The following ARHGAP31 variants were observed in gnomAD, a reference collection of about 807,000 sequenced individuals.
ARHGAP31 encodes rho GTPase-activating protein 31.
ARHGAP31 carries 34 observed loss-of-function variants against 113.9 expected under a neutral mutation model. The observed-to-expected ratio is 0.30, with a 90% CI of 0.23 to 0.40. The LOEUF (loss-of-function observed/expected upper bound fraction) is 0.40, where lower values mean the gene tolerates loss of function less well. Ranked by LOEUF, ARHGAP31 falls within the 10% of genes least tolerant of loss-of-function variation. ARHGAP31 has a pLI of 1.00. For missense variants in ARHGAP31, 1,548 were observed against 1,767.1 expected (o/e 0.88, Z 2.22); for synonymous variants, 650 against 684.8 (o/e 0.95, Z 0.79).
chr3:119,358,799 A>G (rs2080180738), intron 1 of ARHGAP31, among the ~76,000 whole-genome samples: 1 of 152,198 alleles, frequency 6.6e-6, no homozygotes, highest in Non-Finnish European at 1.5e-5. Flanking sequence ...GCAAACCCAT[A>G]GAAAATAGAA....
At chr3:119,349,082 A>G (rs954755087) in intron 1 of ARHGAP31, among the ~76,000 whole-genome samples, 1 of 152,166 alleles carries the variant, frequency 6.6e-6, no homozygotes, top group Non-Finnish European at 1.5e-5. Flanking sequence ...AATTGCTACT[A>G]TTTTTTGCCT....
intron 1 of ARHGAP31, among the ~76,000 whole-genome samples, chr3:119,318,962 A>G (rs1229690614): frequency 6.6e-6 from 1 of 152,152 alleles, no homozygotes; most frequent in Non-Finnish European, 1.5e-5. Flanking sequence ...GCTCCAAAAA[A>G]ACAAAAAAAA....
At chr3:119,372,544 A>G (rs1349316888) in intron 3 of ARHGAP31, among the ~76,000 whole-genome samples, 1 of 152,080 alleles carries the variant, frequency 6.6e-6, no homozygotes, top group Non-Finnish European at 1.5e-5. Flanking sequence ...TGGCCTCCCA[A>G]AGTGCTGGGA....
At chr3:119,380,404 T>TATTC (rs10576434) in intron 3 of ARHGAP31, among the ~76,000 whole-genome samples, 320 of 150,908 alleles carry the variant, frequency 2.1e-3, no homozygotes, top group East Asian at 0.019. Flanking sequence ...TTTATTTATG[T>TATTC]ATTCATTCAT....
In ARHGAP31 at chr3:119,416,078, T is replaced by A. The variant is rs369705802; in HGVS notation, c.4149T>A (p.Val1383=). 3.1e-6 allele frequency: 5 copies of A among 1,614,034 alleles called. No homozygotes were observed. Among genetic ancestry groups the A allele is most frequent in the Non-Finnish European group, 4.2e-6 (5 of 1,180,030 alleles). ...LSPIRSPTQT[V]SPGLLCGELA... ...CTATCAGAAGTCCCACCCAGACAGTTTCCCCTGGCCTTCTTTGTGGAGAGT... is the reference window on the plus strand; with the variant it reads ...CTATCAGAAGTCCCACCCAGACAGTATCCCCTGGCCTTCTTTGTGGAGAGT... Residue 1383 remains valine, a synonymous_variant, in exon 12 of 12, where the codon GTT becomes GTA. Coordinates refer to ENST00000264245, the MANE Select transcript of ARHGAP31 (RefSeq NM_020754.4).
chr3:119,404,202 T>C (rs574154467), intron 10 of ARHGAP31, among the ~76,000 whole-genome samples: 1 of 152,180 alleles, frequency 6.6e-6, no homozygotes, highest in Non-Finnish European at 1.5e-5. Context: ...TTTGTGAGAT[T>C]TGTTATCCTC....
chr3:119,308,249 G>A (rs143727480), intron 1 of ARHGAP31, among the ~76,000 whole-genome samples: 34 of 152,290 alleles, frequency 2.2e-4, no homozygotes, highest in African/African-American at 7.7e-4. Context: ...GGTGTTTGTT[G>A]TCCCTTGTCT....
chr3:119,303,285 G>A lies in ARHGAP31; in HGVS notation c.100+8281G>A, dbSNP rs73187837. Among the ~76,000 whole-genome samples the A allele has an allele frequency of 9.5e-3, 1,448 of 152,280 alleles. 12 individuals carry two copies. The highest frequency in any genetic ancestry group is 0.015 in the Non-Finnish European group (987 of 68,018). On this transcript the variant is annotated intron_variant, in intron 1 of 11. Coordinates refer to ENST00000264245, the MANE Select transcript of ARHGAP31 (RefSeq NM_020754.4). ...GATAAGGCACATTGCTGATGTGCTG[G>A]ATTATCAGGAATCCAATTGCTTAAT...
intron 7 of ARHGAP31, among the ~76,000 whole-genome samples, chr3:119,393,066 A>AC (rs1184070913): frequency 2.0e-5 from 3 of 152,006 alleles, no homozygotes; most frequent in Admixed American, 6.6e-5. Context: ...AGATAGTGAG[A>AC]CCCCCATCTC....
At chr3:119,354,436 A>T (rs2080137611) in intron 1 of ARHGAP31, among the ~76,000 whole-genome samples, 1 of 152,088 alleles carries the variant, frequency 6.6e-6, no homozygotes, top group African/African-American at 2.4e-5. Context: ...TCTACCACTT[A>T]GCAGTAACTA....
intron 1 of ARHGAP31, 151 bp downstream of exon 1, chr3:119,295,155 A>G (rs1371525117): frequency 4.0e-6 from 3 of 743,696 alleles, no homozygotes; most frequent in Non-Finnish European, 6.7e-6. Context: ...TTTTTTTTAA[A>G]GAACATAAAC....
At chr3:119,306,338 G>A (rs551833996) in intron 1 of ARHGAP31, among the ~76,000 whole-genome samples, 5 of 152,164 alleles carry the variant, frequency 3.3e-5, no homozygotes, top group African/African-American at 1.2e-4. Context: ...TGGATCACTT[G>A]AGGTCAGGAA....
intron 1 of ARHGAP31, among the ~76,000 whole-genome samples, 184 bp from the exon 2 acceptor site, chr3:119,365,132 T>C (rs2080242788): frequency 6.6e-6 from 1 of 152,022 alleles, no homozygotes. Context: ...CAAAGCCCTA[T>C]GATTTTTTTT....
At chr3:119,386,304 C>T (rs2080447472) in intron 6 of ARHGAP31, among the ~76,000 whole-genome samples, 1 of 152,114 alleles carries the variant, frequency 6.6e-6, no homozygotes, top group African/African-American at 2.4e-5. Flanking sequence ...AAGCAATAAA[C>T]CTATTTCTCT....
chr3:119,380,604 G>A (rs1254849196), intron 3 of ARHGAP31, among the ~76,000 whole-genome samples: 3 of 114,224 alleles, frequency 2.6e-5, no homozygotes, highest in South Asian at 2.9e-4. Context: ...CTCTACCCCC[G>A]AGACACACCC....
chr3:119,341,797 CAG>C (rs1397028643), intron 1 of ARHGAP31: 1 of 151,530 alleles, frequency 6.6e-6, no homozygotes, highest in Non-Finnish European at 1.5e-5. Context: ...TGCTACCTCT[CAG>C]GGGTCTGCCA....
At chr3:119,331,199 T>G (rs1242258089) in intron 1 of ARHGAP31, among the ~76,000 whole-genome samples, 1 of 152,122 alleles carries the variant, frequency 6.6e-6, no homozygotes, top group Non-Finnish European at 1.5e-5. Flanking sequence ...AGGGTCCCCA[T>G]GCTAAATAAT....
intron 1 of ARHGAP31, among the ~76,000 whole-genome samples, chr3:119,315,795 T>C (rs2079725290): frequency 6.6e-6 from 1 of 152,180 alleles, no homozygotes; most frequent in Non-Finnish European, 1.5e-5. Flanking sequence ...ATACAGAGAA[T>C]GTGAAACAAA....
chr3:119,373,181 A>C (rs1188270951), intron 3 of ARHGAP31, among the ~76,000 whole-genome samples: 1 of 152,196 alleles, frequency 6.6e-6, no homozygotes, highest in Non-Finnish European at 1.5e-5. Flanking sequence ...GCAAATGACT[A>C]AATATAGGAA....
Sources: gnomAD v4.1 joint callset for allele counts (sites outside exome capture counted in the v4.1 genomes callset) on GRCh38, gnomAD v4.1.1 for gene constraint, MANE v1.5 for transcripts, NCBI Gene and HGNC (gene_info 2026-07-23, HGNC 2026-07-21) for gene names.